The following ZNF148 variants were observed in gnomAD, a reference collection of about 807,000 sequenced individuals.
ZNF148 encodes Beta-Enolase Repressor Factor-1.
In ZNF148, 7 loss-of-function variants were observed where a neutral mutation model predicts 67.7. The ratio of observed to expected loss-of-function variants is 0.10; its 90% CI spans 0.06 to 0.19. The LOEUF (loss-of-function observed/expected upper bound fraction) is 0.19. Among genes scored for constraint, ZNF148 ranks in the 10% least tolerant of loss-of-function variants. ZNF148 has a pLI of 1.00. For synonymous variants in ZNF148, 333 were observed against 330.7 expected, an observed-to-expected ratio of 1.01 and a Z score of -0.08; for missense variants, 583 against 947.1, an observed-to-expected ratio of 0.62 and a Z score of 5.05.
chr3:125,322,489 G>A (rs1036192698), intron 3 of ZNF148, among the ~76,000 whole-genome samples: 5 of 58,760 alleles, frequency 8.5e-5, no homozygotes, highest in Non-Finnish European at 1.4e-4. Flanking sequence ...TGGTTGTGAC[G>A]TGACAAAGAG....
intron 4 of ZNF148, among the ~76,000 whole-genome samples, chr3:125,298,180 C>T (rs757870412): frequency 1.3e-5 from 2 of 152,060 alleles, no homozygotes; most frequent in African/African-American, 2.4e-5. Flanking sequence ...TAGAGGAGTG[C>T]TGTGACCAAA....
chr3:125,375,058 C>T (rs1943023128), intron 1 of ZNF148, 44 bp downstream of exon 1: 1 of 151,544 alleles, frequency 6.6e-6, no homozygotes, highest in Non-Finnish European at 1.5e-5. Context: ...CTCCCCCTCC[C>T]CCGCCCTCCC....
At chr3:125,255,119 T>C (rs1206338468) in intron 7 of ZNF148, among the ~76,000 whole-genome samples, 3 of 152,108 alleles carry the variant, frequency 2.0e-5, no homozygotes, top group African/African-American at 7.2e-5. Flanking sequence ...TTGCTATTGG[T>C]GTTACACATT....
intron 7 of ZNF148, among the ~76,000 whole-genome samples, chr3:125,251,659 A>G (rs1936846880): frequency 6.6e-6 from 1 of 152,232 alleles, no homozygotes; most frequent in Non-Finnish European, 1.5e-5. Context: ...TGATGGGTCC[A>G]ATATTCATTC....
chr3:125,252,282 A>G (rs1412343086), intron 7 of ZNF148, among the ~76,000 whole-genome samples: 1 of 149,968 alleles, frequency 6.7e-6, no homozygotes, highest in Non-Finnish European at 1.5e-5. Context: ...TACTTTCTAT[A>G]TCCTGTTTAG....
At chr3:125,374,090 CACAGGCCAGACCCTTT>C (rs1461887615) in intron 1 of ZNF148, among the ~76,000 whole-genome samples, 2 of 152,148 alleles carry the variant, frequency 1.3e-5, no homozygotes, top group African/African-American at 2.4e-5. Flanking sequence ...AAGGAATCCC[CACAGGCCAGACCCTTT>C]CTCAAGGTCT....
rs757165681 is a variant in ZNF148 at position 125,233,603 on chromosome 3, C to A, written c.1123G>T (p.Gly375Cys). The change falls in exon 9 of 9, where the codon GGC becomes TGC. Residue 375 changes from glycine (G) to cysteine (C), a missense_variant. Gly to Cys is a radical substitution (Grantham distance 159, BLOSUM62 -3). Transcript: ENST00000360647. The surrounding 1 kb of genome is among the most constrained non-coding windows in gnomAD (Gnocchi z 5.1). ...CCTGACGCATCTTCTAAATGCGAGC[C>A]CCCAACTGACGAATGTGGCATTTCA... ...AVEMPHSSVG[G>C]SHLEDASGEI... The A allele has an allele frequency of 1.2e-6, 2 of 1,613,848 alleles. No individual in the cohort carries two copies. Among genetic ancestry groups the A allele is most frequent in the Non-Finnish European group, 1.7e-6 (2 of 1,179,938 alleles).
chr3:125,252,792 A>T (rs1196426365), intron 7 of ZNF148, among the ~76,000 whole-genome samples: 2 of 151,686 alleles, frequency 1.3e-5, no homozygotes, highest in Non-Finnish European at 2.9e-5. Context: ...AAAACCCACA[A>T]AAAAACACAT....
intron 1 of ZNF148, among the ~76,000 whole-genome samples, chr3:125,345,076 C>T (rs530207835): frequency 2.0e-5 from 3 of 152,272 alleles, no homozygotes; most frequent in African/African-American, 7.2e-5. Context: ...GTCTTCTTGA[C>T]ATATGTAGAG....
intron 4 of ZNF148, among the ~76,000 whole-genome samples, chr3:125,290,477 C>A (rs1938949459): frequency 6.6e-6 from 1 of 152,092 alleles, no homozygotes; most frequent in Non-Finnish European, 1.5e-5. Flanking sequence ...TTATTTCTCA[C>A]CCCAAAATAA....
At chr3:125,347,231 A>AC (rs1941976849) in intron 1 of ZNF148, among the ~76,000 whole-genome samples, 1 of 152,194 alleles carries the variant, frequency 6.6e-6, no homozygotes, top group Non-Finnish European at 1.5e-5. Context: ...TGGATTGAAA[A>AC]ATTTCATATT....
rs770437886 is a variant in ZNF148, at chr3:125,277,715, T to A, written c.667+11A>T. The A allele has an allele frequency of 6.2e-7, 1 of 1,600,516 alleles. No homozygotes were observed. The highest frequency in any genetic ancestry group is 1.7e-5 in the Admixed American group (1 of 58,006). ...ATTTTAATGAACCTAGTAAGGGTGG[T>A]TAACACTCACCAGTATGAATCTTCT... On this transcript the variant is annotated intron_variant, in intron 7 of 8. Coordinates refer to ENST00000360647, the MANE Select transcript of ZNF148 (RefSeq NM_021964.3).
At chr3:125,256,651 G>A (rs1461385427) in intron 7 of ZNF148, among the ~76,000 whole-genome samples, 1 of 152,136 alleles carries the variant, frequency 6.6e-6, no homozygotes, top group Non-Finnish European at 1.5e-5. Flanking sequence ...ACTCCAGCCT[G>A]GGCAACAGAG....
chr3:125,243,670 GCA>G (rs966883695), intron 7 of ZNF148, among the ~76,000 whole-genome samples: 16 of 152,164 alleles, frequency 1.1e-4, no homozygotes, highest in African/African-American at 3.9e-4. Flanking sequence ...CCACAGGCAT[GCA>G]CCACCATGCC....
intron 1 of ZNF148, among the ~76,000 whole-genome samples, chr3:125,337,851 C>T (rs1404626033): frequency 6.6e-6 from 1 of 151,988 alleles, no homozygotes; most frequent in African/African-American, 2.4e-5. Flanking sequence ...CCTATAATCC[C>T]AACACTTTGG....
intron 1 of ZNF148, 59 bp from the exon 2 acceptor site, chr3:125,331,297 T>C (rs574928462): frequency 2.5e-6 from 1 of 398,222 alleles, no homozygotes; most frequent in Non-Finnish European, 4.4e-6. Flanking sequence ...AACATAGTCT[T>C]AAAGAAGTCA....
At chr3:125,268,700 C>T (rs1022662501) in intron 7 of ZNF148, among the ~76,000 whole-genome samples, 1 of 152,110 alleles carries the variant, frequency 6.6e-6, no homozygotes, top group African/African-American at 2.4e-5. Flanking sequence ...AACTGACAGG[C>T]AGGACATAGT....
intron 7 of ZNF148, among the ~76,000 whole-genome samples, chr3:125,256,369 CA>C (rs34918292): frequency 0.76 from 104,289 of 138,000 alleles, 39,202 homozygotes; most frequent in African/African-American, 0.84. Flanking sequence ...CTCCATTTCC[CA>C]AAAAAAAAAA....
chr3:125,305,590 T>C (rs1338660275), intron 4 of ZNF148, among the ~76,000 whole-genome samples: 3 of 151,932 alleles, frequency 2.0e-5, no homozygotes, highest in Non-Finnish European at 1.5e-5. Context: ...AGCAGGAGGA[T>C]CGCTCGAACC....
Sources: allele counts gnomAD v4.1 joint callset (sites outside exome capture counted in the v4.1 genomes callset), GRCh38; gene constraint gnomAD v4.1.1; non-coding constraint Gnocchi (gnomAD v3.1); transcripts MANE v1.5; gene names NCBI Gene and HGNC (gene_info 2026-07-23, HGNC 2026-07-21).